The following ASIC2 variants were observed in gnomAD, a reference collection of about 807,000 sequenced individuals.
The protein encoded by ASIC2 is acid-sensing ion channel 2.
In ASIC2, 25 loss-of-function variants were observed where a neutral mutation model predicts 57.3. That is an observed-to-expected ratio of 0.44 (90% CI 0.32 to 0.61). The LOEUF (loss-of-function observed/expected upper bound fraction) is 0.61. Among genes scored for constraint, ASIC2 ranks in the 20% least tolerant of loss-of-function variants. The pLI, the probability that ASIC2 is intolerant of heterozygous loss-of-function variation, is 0.06. For missense variants in ASIC2, 641 were observed against 738.1 expected, an observed-to-expected ratio of 0.87 and a Z score of 1.52; for synonymous variants, 319 against 307.5, an observed-to-expected ratio of 1.04 and a Z score of -0.39.
At chr17:33,904,385 C>T (rs1016861095) in intron 1 of ASIC2, among the ~76,000 whole-genome samples, 4 of 152,002 alleles carry the variant, frequency 2.6e-5, no homozygotes, top group African/African-American at 4.8e-5. Flanking sequence ...TGAGTAGCAC[C>T]GGTGTTAAGC....
intron 1 of ASIC2, among the ~76,000 whole-genome samples, chr17:34,088,383 T>C (rs1267653740): frequency 6.6e-6 from 1 of 152,152 alleles, no homozygotes; most frequent in East Asian, 1.9e-4. Flanking sequence ...AATGCTGCTG[T>C]CTGATTGTTC....
intron 1 of ASIC2, among the ~76,000 whole-genome samples, chr17:33,733,776 C>T (rs1459951028): frequency 1.3e-5 from 2 of 152,200 alleles, no homozygotes; most frequent in Admixed American, 1.3e-4. Flanking sequence ...AGTAGTTACC[C>T]TCGCTCCCGT....
At chr17:33,030,999 G>T (rs2091880807) in intron 3 of ASIC2, among the ~76,000 whole-genome samples, 1 of 152,030 alleles carries the variant, frequency 6.6e-6, no homozygotes, top group Non-Finnish European at 1.5e-5. Context: ...GTCAAGTTTG[G>T]GTATTGGGAG....
chr17:34,085,508 T>C (rs540482425), intron 1 of ASIC2, among the ~76,000 whole-genome samples: 1 of 152,328 alleles, frequency 6.6e-6, no homozygotes, highest in South Asian at 2.1e-4. Context: ...TCTTTTTTGG[T>C]TGTGTCTCTG....
chr17:33,026,630 G>A (rs899415136), intron 4 of ASIC2, among the ~76,000 whole-genome samples: 5 of 152,226 alleles, frequency 3.3e-5, no homozygotes, highest in African/African-American at 1.2e-4. Flanking sequence ...TGTCATGGGT[G>A]TGATTGACAC....
intron 1 of ASIC2, among the ~76,000 whole-genome samples, chr17:34,123,448 T>C (rs756004687): frequency 2.0e-5 from 3 of 152,176 alleles, no homozygotes; most frequent in Non-Finnish European, 4.4e-5. Context: ...TCCTGGGGAA[T>C]GGCAGCCAGC....
chr17:33,243,923 G>C (rs1392356701), intron 1 of ASIC2, among the ~76,000 whole-genome samples: 1 of 152,188 alleles, frequency 6.6e-6, no homozygotes, highest in Non-Finnish European at 1.5e-5. Context: ...CAAATTGGCT[G>C]TGTGACCTTG....
At chr17:33,535,458 T>A (rs1567642482) in intron 1 of ASIC2, among the ~76,000 whole-genome samples, 1 of 152,030 alleles carries the variant, frequency 6.6e-6, no homozygotes, top group Admixed American at 6.6e-5. Context: ...TTTGTATTTT[T>A]AGTAGAGACG....
At chr17:33,109,593 C>A (rs1199662207) in intron 2 of ASIC2, among the ~76,000 whole-genome samples, 1 of 152,222 alleles carries the variant, frequency 6.6e-6, no homozygotes, top group Non-Finnish European at 1.5e-5. Context: ...ACATCTGGCA[C>A]CCCGAGTGAG....
At chr17:33,208,513 G>T (rs1334470088) in intron 1 of ASIC2, among the ~76,000 whole-genome samples, 3 of 152,046 alleles carry the variant, frequency 2.0e-5, no homozygotes, top group Non-Finnish European at 4.4e-5. Context: ...TTCCCTCAGA[G>T]CTTTGCTTGG....
At chr17:34,022,499 C>A (rs1381316407) in intron 1 of ASIC2, among the ~76,000 whole-genome samples, 2 of 152,038 alleles carry the variant, frequency 1.3e-5, no homozygotes, top group Non-Finnish European at 2.9e-5. Flanking sequence ...CCTTGAAATT[C>A]TCTATATCTC....
At chr17:33,520,322 G>T (rs188192936) in intron 1 of ASIC2, among the ~76,000 whole-genome samples, 2 of 152,236 alleles carry the variant, frequency 1.3e-5, no homozygotes, top group Non-Finnish European at 2.9e-5. Context: ...AATCACTCGC[G>T]AATTCATTCT....
At chr17:33,172,249 G>A (rs997884682) in intron 1 of ASIC2, among the ~76,000 whole-genome samples, 1 of 152,312 alleles carries the variant, frequency 6.6e-6, no homozygotes, top group South Asian at 2.1e-4. Context: ...GCTTGTGAAG[G>A]TAAAGCCTGC....
chr17:34,063,184 T>G (rs2142062103), intron 1 of ASIC2, among the ~76,000 whole-genome samples: 1 of 152,250 alleles, frequency 6.6e-6, no homozygotes, highest in African/African-American at 2.4e-5. Flanking sequence ...ATCAAGTGGG[T>G]TTCATACCAG....
intron 1 of ASIC2, among the ~76,000 whole-genome samples, chr17:33,232,446 A>AATGTT (rs1908134703): frequency 1.5e-4 from 19 of 127,952 alleles, no homozygotes; most frequent in Non-Finnish European, 3.0e-4. Context: ...TATGGTATGG[A>AATGTT]ATGGTATGGT....
At chr17:33,324,201 A>AT (rs1445476878) in intron 1 of ASIC2, among the ~76,000 whole-genome samples, 1 of 152,000 alleles carries the variant, frequency 6.6e-6, no homozygotes, top group Non-Finnish European at 1.5e-5. Flanking sequence ...CAAGCACTGT[A>AT]TTTTCCCTCA....
chr17:34,042,337 T>A (rs939199460), intron 1 of ASIC2, among the ~76,000 whole-genome samples: 1 of 152,056 alleles, frequency 6.6e-6, no homozygotes, highest in Non-Finnish European at 1.5e-5. Context: ...TCCATCAACA[T>A]GTGAATGATA....
At chr17:33,466,861 A>G (rs1044324950) in intron 1 of ASIC2, among the ~76,000 whole-genome samples, 1 of 152,150 alleles carries the variant, frequency 6.6e-6, no homozygotes, top group East Asian at 1.9e-4. Flanking sequence ...GATTAAAGAC[A>G]TAAATGTTAG....
In ASIC2 at chr17:33,291,343, C is replaced by G; in HGVS notation, c.708+65G>C. ...GGGACAGCCCCGAGGGGGCGGAACA[C>G]CAGGCCTCCTGACTGCCGGGGAGTG... is the stretch of plus-strand genomic sequence containing the variant. On this transcript the variant is annotated intron_variant, in intron 1 of 9. Transcript: ENST00000225823. 2.0e-6 allele frequency: 3 copies of G among 1,525,160 alleles called. No homozygotes were observed. The Admixed American group carries it at 6.0e-5, about 30-fold the overall frequency. The allele number at this position is 1,525,160 out of a possible 1,614,324, so 94.5% of individuals were successfully genotyped here.
Sources: gnomAD v4.1 joint callset for allele counts (sites outside exome capture counted in the v4.1 genomes callset) on GRCh38, gnomAD v4.1.1 for gene constraint, MANE v1.5 for transcripts, NCBI Gene and HGNC (gene_info 2026-07-23, HGNC 2026-07-21) for gene names.